The following LRRC4C variants were observed in gnomAD, a reference collection of about 807,000 sequenced individuals.
The protein encoded by LRRC4C is leucine-rich repeat-containing protein 4C.
LRRC4C carries 5 observed loss-of-function variants against 33.6 expected under a neutral mutation model. The observed-to-expected ratio is 0.15, with a 90% CI of 0.08 to 0.31. LRRC4C has a LOEUF of 0.31. Ranked by LOEUF, LRRC4C falls within the 10% of genes least tolerant of loss-of-function variation. LRRC4C has a pLI of 1.00. For missense variants in LRRC4C, 560 were observed against 796.7 expected, an observed-to-expected ratio of 0.70 and a Z score of 3.58; for synonymous variants, 329 against 302.0, an observed-to-expected ratio of 1.09 and a Z score of -0.93.
chr11:40,992,762 G>T (rs1853674801), intron 1 of LRRC4C, among the ~76,000 whole-genome samples: 2 of 151,948 alleles, frequency 1.3e-5, no homozygotes, highest in Non-Finnish European at 2.9e-5. Flanking sequence ...TTAAACTATG[G>T]GTCTACTGTT....
intron 1 of LRRC4C, among the ~76,000 whole-genome samples, chr11:41,326,756 A>T (rs1380019234): frequency 6.6e-6 from 1 of 152,190 alleles, no homozygotes; most frequent in Non-Finnish European, 1.5e-5. Flanking sequence ...TTCACAAAAC[A>T]GTCCTAACAT....
chr11:40,893,140 A>C (rs1431016969), intron 2 of LRRC4C, among the ~76,000 whole-genome samples: 1 of 152,058 alleles, frequency 6.6e-6, no homozygotes, highest in East Asian at 1.9e-4. Context: ...AACAAACTTC[A>C]CATGTTCTCA....
intron 2 of LRRC4C, among the ~76,000 whole-genome samples, chr11:40,708,366 C>T (rs928959207): frequency 6.6e-6 from 1 of 152,128 alleles, no homozygotes; most frequent in African/African-American, 2.4e-5. Context: ...ATAAATTTCC[C>T]TCTACACACT....
intron 3 of LRRC4C, among the ~76,000 whole-genome samples, chr11:40,598,128 T>A (rs993423130): frequency 1.3e-5 from 2 of 152,214 alleles, no homozygotes; most frequent in African/African-American, 4.8e-5. Context: ...TTTAAAAGTC[T>A]AGTTATTTTT....
chr11:40,760,667 G>A (rs1591646773), intron 2 of LRRC4C, among the ~76,000 whole-genome samples: 1 of 150,628 alleles, frequency 6.6e-6, no homozygotes. Flanking sequence ...CTGAAGTGTA[G>A]TTGTGCAATC....
At position 40,988,520 on chromosome 11, in the gene LRRC4C, T is replaced by C. The variant is rs565723438; in HGVS notation, c.-495-54797A>G. 2.1e-3 allele frequency among the ~76,000 whole-genome samples: 312 copies of C among 152,124 alleles called. 1 individual carries two copies. The South Asian group carries it at 0.029, about 14-fold the overall frequency. On this transcript the variant is annotated intron_variant, in intron 1 of 6. Transcript: ENST00000528697. ...AAGCTTACTATGCCTTCTGAACAAATTTTGCTAATATGCATGGGTATGACT... is the reference window on the plus strand; with the variant it reads ...AAGCTTACTATGCCTTCTGAACAAACTTTGCTAATATGCATGGGTATGACT...
intron 1 of LRRC4C, among the ~76,000 whole-genome samples, chr11:41,260,250 CTG>C (rs1948936559): frequency 6.6e-6 from 1 of 151,942 alleles, no homozygotes; most frequent in South Asian, 2.1e-4. Flanking sequence ...AATTTAGAAA[CTG>C]AGAACTCACA....
intron 1 of LRRC4C, among the ~76,000 whole-genome samples, chr11:41,028,579 A>T (rs1182621024): frequency 2.1e-4 from 7 of 34,140 alleles, no homozygotes; most frequent in African/African-American, 5.8e-4. Context: ...CGACACACAC[A>T]CACACACACA....
At chr11:40,727,166 A>G (rs73473313) in intron 2 of LRRC4C, among the ~76,000 whole-genome samples, 6,421 of 152,220 alleles carry the variant, frequency 0.042, 450 homozygotes, top group African/African-American at 0.15. Flanking sequence ...TACTTCAAAC[A>G]TACTGTAAGG....
chr11:41,204,085 A>G (rs1946503552), intron 1 of LRRC4C, among the ~76,000 whole-genome samples: 1 of 152,124 alleles, frequency 6.6e-6, no homozygotes, highest in African/African-American at 2.4e-5. Flanking sequence ...AATATTTTTG[A>G]GTGTCCAACT....
intron 2 of LRRC4C, among the ~76,000 whole-genome samples, chr11:40,701,111 C>T (rs1945844845): frequency 6.6e-6 from 1 of 152,126 alleles, no homozygotes; most frequent in South Asian, 2.1e-4. Flanking sequence ...AAACTTGTCC[C>T]TGTGGTAAAT....
At chr11:41,314,344 A>G (rs970115558) in intron 1 of LRRC4C, among the ~76,000 whole-genome samples, 1 of 152,184 alleles carries the variant, frequency 6.6e-6, no homozygotes, top group African/African-American at 2.4e-5. Context: ...ATGTTAATAA[A>G]TGCTTATTGA....
At chr11:41,292,525 A>T (rs562184273) in intron 1 of LRRC4C, among the ~76,000 whole-genome samples, 241 of 152,078 alleles carry the variant, frequency 1.6e-3, no homozygotes, top group African/African-American at 5.7e-3. Flanking sequence ...ATGCATAAAA[A>T]TTATATTTTA....
At chr11:40,535,845 G>C (rs984254183) in intron 3 of LRRC4C, among the ~76,000 whole-genome samples, 3 of 152,142 alleles carry the variant, frequency 2.0e-5, no homozygotes, top group Non-Finnish European at 2.9e-5. Flanking sequence ...TTTTGAAGCA[G>C]TATCACATCA....
intron 5 of LRRC4C, among the ~76,000 whole-genome samples, chr11:40,165,401 G>A (rs530725757): frequency 2.6e-5 from 4 of 152,106 alleles, no homozygotes; most frequent in African/African-American, 7.2e-5. Flanking sequence ...ATGTTTATGC[G>A]TCTGTTTGTC....
At chr11:40,342,937 T>C (rs894443959) in intron 3 of LRRC4C, among the ~76,000 whole-genome samples, 4 of 152,188 alleles carry the variant, frequency 2.6e-5, no homozygotes, top group Non-Finnish European at 5.9e-5. Context: ...TATTTTTCTT[T>C]ATTGCCTATC....
chr11:41,121,357 C>A (rs1049379990), intron 1 of LRRC4C, among the ~76,000 whole-genome samples: 6 of 152,066 alleles, frequency 3.9e-5, no homozygotes, highest in Non-Finnish European at 1.5e-5. Flanking sequence ...GCTTGATAAG[C>A]AATACATACT....
chr11:40,606,063 G>A (rs1481000444), intron 3 of LRRC4C, among the ~76,000 whole-genome samples: 1 of 152,140 alleles, frequency 6.6e-6, no homozygotes, highest in Non-Finnish European at 1.5e-5. Context: ...AAAACAGCTT[G>A]GTTGTCTCTC....
chr11:40,331,832 A>G (rs1173358323), intron 3 of LRRC4C, among the ~76,000 whole-genome samples: 1 of 152,200 alleles, frequency 6.6e-6, no homozygotes, highest in Non-Finnish European at 1.5e-5. Flanking sequence ...CCCGCTTTCC[A>G]GGTTATCCAG....
Sources: allele counts gnomAD v4.1 joint callset (sites outside exome capture counted in the v4.1 genomes callset), GRCh38; gene constraint gnomAD v4.1.1; transcripts MANE v1.5; gene names NCBI Gene and HGNC (gene_info 2026-07-23, HGNC 2026-07-21).